Variants in NRXN1 observed in about 807,000 individuals in gnomAD.
NRXN1 encodes neurexin-1.
NRXN1 carries 39 observed loss-of-function variants against 150.9 expected under a neutral mutation model. That is an observed-to-expected ratio of 0.26 (90% confidence interval 0.20 to 0.34). The LOEUF (loss-of-function observed/expected upper bound fraction) is 0.34, where lower values mean the gene tolerates loss of function less well. Among genes scored for constraint, NRXN1 ranks in the 10% least tolerant of loss-of-function variants. The pLI is 1.00. For missense variants in NRXN1, 1,815 were observed against 1,949.9 expected (o/e 0.93, Z 1.30); for synonymous variants, 924 against 757.0 (o/e 1.22, Z -3.62).
chr2:50,224,204 C>T lies in NRXN1; in HGVS notation c.3546+12585G>A, dbSNP rs936721992. 3.3e-5 allele frequency among the ~76,000 whole-genome samples: 5 copies of T among 151,970 alleles called. No homozygotes were observed. In the South Asian group the frequency reaches 1.0e-3, roughly 32 times the overall value. On this transcript the variant is annotated intron_variant, in intron 18 of 22. Transcript: ENST00000401669. ...ATAATCATTTGCAAAATAAGCTGGGCCAGCCTGAAATTTTCCTTTGTACAA... is the reference window on the plus strand; with the variant it reads ...ATAATCATTTGCAAAATAAGCTGGGTCAGCCTGAAATTTTCCTTTGTACAA...
At chr2:50,535,628 GA>G (rs1214400320) in intron 10 of NRXN1, among the ~76,000 whole-genome samples, 1 of 152,214 alleles carries the variant, frequency 6.6e-6, no homozygotes, top group Non-Finnish European at 1.5e-5. Context: ...AAATAAAGCA[GA>G]AGGGAAGGCG....
At chr2:50,660,384 A>G (rs919962764) in intron 5 of NRXN1, among the ~76,000 whole-genome samples, 2 of 152,046 alleles carry the variant, frequency 1.3e-5, no homozygotes, top group African/African-American at 2.4e-5. Context: ...TATTGTAACT[A>G]GAAGGAACAT....
chr2:50,855,931 G>T (rs922619637), intron 5 of NRXN1, among the ~76,000 whole-genome samples: 2 of 151,568 alleles, frequency 1.3e-5, no homozygotes, highest in African/African-American at 4.8e-5. Context: ...AAAAGTCCAT[G>T]TTAGAATCTA....
rs916224634 is a variant in NRXN1, at chr2:50,911,394, A to T, written c.832+10475T>A. ...CCACTTCCTTTATAGTTTTTTTTTT[A>T]AATCTTACCATACATTTCCATATAA... is the stretch of plus-strand genomic sequence containing the variant. On this transcript the variant is annotated intron_variant, in intron 5 of 22. Transcript: ENST00000401669. Among the ~76,000 whole-genome samples, 69 of 145,650 alleles carry T rather than the reference A, an allele frequency of 4.7e-4. 1 individual carries two copies. The highest frequency in any genetic ancestry group is 9.0e-4 in the Non-Finnish European group (60 of 66,946).
At position 50,121,095 on chromosome 2, in the gene NRXN1, G is replaced by C. The variant is rs1307096653; in HGVS notation, c.3547-29601C>G. 3.3e-5 allele frequency among the ~76,000 whole-genome samples: 5 copies of C among 152,334 alleles called. No individual in the cohort carries two copies. The South Asian group carries it at 8.3e-4, about 25-fold the overall frequency. ...GCTGGAGTGCAGTGGCACGATGTCAGCTGACTGCAACCTCTGCCTCCGGGT... is the reference window on the plus strand; with the variant it reads ...GCTGGAGTGCAGTGGCACGATGTCACCTGACTGCAACCTCTGCCTCCGGGT... On this transcript the variant is annotated intron_variant, in intron 18 of 22. Coordinates refer to ENST00000401669, the MANE Select transcript of NRXN1 (RefSeq NM_001330078.2).
intron 21 of NRXN1, chr2:49,973,636 CACAG>C: frequency 9.0e-6 from 3 of 331,514 alleles, no homozygotes; most frequent in South Asian, 8.0e-5. Context: ...CACACACACA[CACAG>C]ACACAAGTTT....
At chr2:50,681,553 G>C (rs1168285182) in intron 5 of NRXN1, among the ~76,000 whole-genome samples, 1 of 152,064 alleles carries the variant, frequency 6.6e-6, no homozygotes, top group Non-Finnish European at 1.5e-5. Flanking sequence ...CTTGTAATTA[G>C]TATTTTAGTA....
chr2:51,017,116 C>G (rs1002793640), intron 2 of NRXN1, among the ~76,000 whole-genome samples: 8 of 150,582 alleles, frequency 5.3e-5, no homozygotes, highest in Admixed American at 1.3e-4. Context: ...GGGTGGGGGT[C>G]TAGGGGAGGG....
At chr2:51,003,963 T>A (rs1444276501) in intron 2 of NRXN1, among the ~76,000 whole-genome samples, 2 of 151,978 alleles carry the variant, frequency 1.3e-5, no homozygotes, top group Non-Finnish European at 2.9e-5. Context: ...AAAACCGGTT[T>A]TACTAATCCC....
chr2:49,964,911 G>A (rs940884862), intron 21 of NRXN1, among the ~76,000 whole-genome samples: 1 of 152,088 alleles, frequency 6.6e-6, no homozygotes, highest in Non-Finnish European at 1.5e-5. Flanking sequence ...TTTGAGACGA[G>A]GGTCTCACTC....
rs141635971 is a variant in NRXN1, at chr2:50,680,068, G to A, written c.833-56453C>T. On this transcript the variant is annotated intron_variant, in intron 5 of 22. Coordinates refer to ENST00000401669, the MANE Select transcript of NRXN1 (RefSeq NM_001330078.2). ...ATGTGCTAAGGTGGGAGGATTGTTT[G>A]AGCCTAGGAGGTTGAGCCTGCAGTG... 1.2e-3 allele frequency among the ~76,000 whole-genome samples: 179 copies of A among 152,158 alleles called. 1 individual carries two copies. The highest frequency in any genetic ancestry group is 4.1e-3 in the African/African-American group (170 of 41,524).
At chr2:50,432,923 C>T (rs542613088) in intron 17 of NRXN1, among the ~76,000 whole-genome samples, 9 of 152,260 alleles carry the variant, frequency 5.9e-5, no homozygotes, top group South Asian at 2.1e-4. Flanking sequence ...TTCCCATCCC[C>T]GATTTCCGAT....
intron 17 of NRXN1, among the ~76,000 whole-genome samples, chr2:50,296,881 CTTTTTTTT>C (rs4032054): frequency 8.9e-6 from 1 of 112,948 alleles, no homozygotes. Flanking sequence ...TTCTTTCTTT[CTTTTTTTT>C]TTTTTTTTTT....
At chr2:50,216,192 G>C (rs921973520) in intron 18 of NRXN1, among the ~76,000 whole-genome samples, 5 of 151,936 alleles carry the variant, frequency 3.3e-5, no homozygotes, top group African/African-American at 1.2e-4. Flanking sequence ...CGGCACCCCA[G>C]CCTGGGTGAC....
At chr2:50,988,911 G>C (rs553296706) in intron 2 of NRXN1, among the ~76,000 whole-genome samples, 1 of 151,796 alleles carries the variant, frequency 6.6e-6, no homozygotes, top group African/African-American at 2.4e-5. Flanking sequence ...GTGAGATCAC[G>C]GACTCCTGCC....
chr2:50,060,803 G>A lies in NRXN1; in HGVS notation c.3719-5759C>T, dbSNP rs140875016. On this transcript the variant is annotated intron_variant, in intron 19 of 22. Transcript: ENST00000401669. ...TAAGACATGCCTTTGCTCCTCCTTC[G>A]TCTTTCTGACATGAATGTGAGGCCT... is the stretch of plus-strand genomic sequence containing the variant. Among the ~76,000 whole-genome samples the A allele has an allele frequency of 4.3e-3, 653 of 152,148 alleles. 7 individuals are homozygous for A. Among genetic ancestry groups the A allele is most frequent in the African/African-American group, 0.015 (606 of 41,506 alleles).
intron 17 of NRXN1, among the ~76,000 whole-genome samples, chr2:50,402,948 T>G (rs1311440251): frequency 6.6e-6 from 1 of 152,138 alleles, no homozygotes; most frequent in Non-Finnish European, 1.5e-5. Flanking sequence ...TAAAGTGTAC[T>G]TAAAATGATA....
intron 19 of NRXN1, among the ~76,000 whole-genome samples, chr2:50,078,346 G>T (rs1346617697): frequency 2.0e-5 from 3 of 150,396 alleles, no homozygotes; most frequent in African/African-American, 7.3e-5. Context: ...GGTATTTTTA[G>T]GTGGAAACCA....
chr2:50,115,252 C>CATAT (rs997075850), intron 18 of NRXN1, among the ~76,000 whole-genome samples: 1 of 141,854 alleles, frequency 7.0e-6, no homozygotes, highest in Admixed American at 7.1e-5. Context: ...CACACACACA[C>CATAT]ATATATATAA....
Sources: allele counts gnomAD v4.1 joint callset (sites outside exome capture counted in the v4.1 genomes callset), GRCh38; gene constraint gnomAD v4.1.1; transcripts MANE v1.5; gene names NCBI Gene and HGNC (gene_info 2026-07-23, HGNC 2026-07-21).